TRIM13: variants seen among roughly 807,000 people sequenced by gnomAD.
The protein encoded by TRIM13 is tripartite motif containing 13, also known as E3 ubiquitin-protein ligase TRIM13.
Under a neutral mutation model 27.1 loss-of-function variants are expected in TRIM13, and 15 were observed. The observed-to-expected ratio is 0.55, with a 90% confidence interval of 0.37 to 0.85. The LOEUF is 0.85. TRIM13 is among the 40% of genes least tolerant of loss of function. The pLI is 0.00. For missense variants in TRIM13, 402 were observed against 472.2 expected (o/e 0.85, Z 1.38); for synonymous variants, 193 against 171.5 (o/e 1.13, Z -0.98).
intron 1 of TRIM13, among the ~76,000 whole-genome samples, chr13:50,006,483 G>A (rs1013295868): frequency 2.0e-5 from 3 of 152,158 alleles, no homozygotes; most frequent in Admixed American, 2.0e-4. Context: ...CTTTTATTGA[G>A]TGTTGCCCTT....
At position 50,012,520 on chromosome 13, in the gene TRIM13, G is replaced by T. The variant is rs753570865; in HGVS notation, c.580G>T (p.Asp194Tyr). Reference protein sequence around the residue: ...EFFEKLQHTLDQKKNEILSDF... With the variant: ...EFFEKLQHTLYQKKNEILSDF... ...TTTTGAGAAGTTACAACACACACTG[G>T]ATCAAAAGAAGAATGAAATTCTGTC... Residue 194 changes from aspartate to tyrosine, a missense_variant, in exon 2 of 2, where the codon GAT (aspartate) becomes TAT (tyrosine). Physicochemically the swap from Asp to Tyr is radical, Grantham distance 160. This residue lies in a region of TRIM13 where 202 missense variants were observed against 277.5 expected (regional missense o/e 0.73). Transcript: ENST00000378182. 44 of 1,613,788 alleles carry T rather than the reference G, an allele frequency of 2.7e-5. No homozygotes were observed. The East Asian group carries it at 8.9e-4, about 33-fold the overall frequency.
chr13:50,008,090 A>G (rs1875042475), intron 1 of TRIM13, among the ~76,000 whole-genome samples: 1 of 151,864 alleles, frequency 6.6e-6, no homozygotes, highest in Non-Finnish European at 1.5e-5. Context: ...TATTTTTAGT[A>G]GAGACGGGGT....
intron 1 of TRIM13, among the ~76,000 whole-genome samples, chr13:50,000,307 G>A (rs549811254): frequency 1.3e-5 from 2 of 152,222 alleles, no homozygotes; most frequent in African/African-American, 2.4e-5. Context: ...TTTCTAGAGA[G>A]AAACCTAGTC....
At chr13:50,008,191 C>T (rs549676238) in intron 1 of TRIM13, among the ~76,000 whole-genome samples, 2 of 152,282 alleles carry the variant, frequency 1.3e-5, no homozygotes, top group East Asian at 3.9e-4. Context: ...AGGCATGAGC[C>T]ACCCGTGCCC....
Position 49,997,572 on chromosome 13 carries a change from T to G in TRIM13, c.-198T>G, listed in dbSNP as rs1030440548. The G allele has an allele frequency of 6.6e-6, 1 of 152,088 alleles. No homozygotes were observed. The highest frequency in any genetic ancestry group is 2.4e-5 in the African/African-American group (1 of 41,400). The allele number at this position is 152,088 out of a possible 1,614,324, so 9.4% of individuals were successfully genotyped here. ...TTCACCAGGTCTAAACAGCCGGGCTTTATTTGTGGGGGCGATTGAAAAAAT... is the reference window on the plus strand; with the variant it reads ...TTCACCAGGTCTAAACAGCCGGGCTGTATTTGTGGGGGCGATTGAAAAAAT... On this transcript the variant is annotated 5_prime_UTR_variant, in exon 1 of 2. Transcript: ENST00000378182.
In TRIM13 at chr13:50,015,672, T is replaced by G; in HGVS notation, c.*2508T>G. 6.2e-7 allele frequency: 1 copy of G among 1,614,160 alleles called. No individual in the cohort carries two copies. The highest frequency in any genetic ancestry group is 8.5e-7 in the Non-Finnish European group (1 of 1,179,992). Reference sequence around the variant, plus strand: ...GACAGAGATGGTGATTTGTTTAGTTTCATCTTAGATTTTTTGAGAACTCAC... The same window carrying G: ...GACAGAGATGGTGATTTGTTTAGTTGCATCTTAGATTTTTTGAGAACTCAC... On this transcript the variant is annotated 3_prime_UTR_variant, in exon 2 of 2. Coordinates refer to ENST00000378182, the MANE Select transcript of TRIM13 (RefSeq NM_213590.3).
chr13:49,997,077 G>T lies in TRIM13; in HGVS notation c.-693G>T, dbSNP rs1378091894. 1.3e-5 allele frequency: 2 copies of T among 151,928 alleles called. No individual in the cohort carries two copies. The highest frequency in any genetic ancestry group is 2.9e-5 in the Non-Finnish European group (2 of 68,042). 9.4% of individuals were successfully genotyped at this position (151,928 alleles called of 1,614,324 possible). A position where few individuals can be genotyped will look rare whatever the true frequency, so the allele number is the denominator to read the frequency against. Reference sequence around the variant, plus strand: ...TGGGGCTGTGCTTGGCGCGTACCGTGCGGTCCCTGTAGTTGGAGGACGGGC... The same window carrying T: ...TGGGGCTGTGCTTGGCGCGTACCGTTCGGTCCCTGTAGTTGGAGGACGGGC... On this transcript the variant is annotated 5_prime_UTR_variant, in exon 1 of 2. Coordinates refer to ENST00000378182, the MANE Select transcript of TRIM13 (RefSeq NM_213590.3).
At chr13:50,003,626 A>G (rs747381018) in intron 1 of TRIM13, among the ~76,000 whole-genome samples, 2 of 152,178 alleles carry the variant, frequency 1.3e-5, no homozygotes, top group Non-Finnish European at 2.9e-5. Flanking sequence ...TGGCTTTTCC[A>G]TTTTTATTAT....
In TRIM13 at chr13:50,015,094, AATATATATATATATATATATAT is replaced by A. The variant is rs869065030; in HGVS notation, c.*1966_*1987del. The A allele has an allele frequency of 5.9e-4, 10 of 16,852 alleles. 1 individual carries two copies. The highest frequency in any genetic ancestry group is 1.6e-3 in the African/African-American group (9 of 5,532). The allele number at this position is 16,852 out of a possible 1,614,324, so 1.0% of individuals were successfully genotyped here. On this transcript the variant is annotated 3_prime_UTR_variant, in exon 2 of 2. Transcript: ENST00000378182. ...CAGTAATAAAAAAAAAAAAAAAAAAAATATATATATATATATATATATATATATATATATATATATATATATA... is the reference window on the plus strand; with the variant it reads ...CAGTAATAAAAAAAAAAAAAAAAAAAATATATATATATATATATATATATA...
chr13:49,999,314 A>G (rs2803840), intron 1 of TRIM13, among the ~76,000 whole-genome samples: 145,364 of 152,140 alleles, frequency 0.96, 69,779 homozygotes, highest in East Asian at 1. Flanking sequence ...GTAAATCACC[A>G]CCTCCTCAAG....
intron 1 of TRIM13, among the ~76,000 whole-genome samples, chr13:49,999,258 G>T (rs1157511046): frequency 6.6e-6 from 1 of 152,072 alleles, no homozygotes; most frequent in Admixed American, 6.5e-5. Context: ...CTTTAGACGG[G>T]CTATGTAAAT....
chr13:50,002,344 G>A (rs1050832516), intron 1 of TRIM13, among the ~76,000 whole-genome samples: 2 of 151,764 alleles, frequency 1.3e-5, no homozygotes, highest in African/African-American at 4.8e-5. Flanking sequence ...AGACGAGATC[G>A]CACCATTGCA....
Position 50,015,839 on chromosome 13 carries a change from A to G in TRIM13, c.*2675A>G. The G allele has an allele frequency of 6.2e-7, 1 of 1,614,104 alleles. No individual in the cohort carries two copies. Among genetic ancestry groups the G allele is most frequent in the Non-Finnish European group, 8.5e-7 (1 of 1,179,968 alleles). ...TGCTCTTGTGGAGGTACATTTCCTAAGCCGGAACACTCAAGCTTTTTTCAG... is the reference window on the plus strand; with the variant it reads ...TGCTCTTGTGGAGGTACATTTCCTAGGCCGGAACACTCAAGCTTTTTTCAG... On this transcript the variant is annotated 3_prime_UTR_variant, in exon 2 of 2. Coordinates refer to ENST00000378182, the MANE Select transcript of TRIM13 (RefSeq NM_213590.3).
chr13:50,011,914 A>AT (rs759746856), intron 1 of TRIM13, 21 bp from the exon 2 acceptor site: 84 of 1,553,776 alleles, frequency 5.4e-5, no homozygotes, highest in Non-Finnish European at 4.7e-5. Context: ...GGAGTAAAAT[A>AT]ATTTTTTTTT....
At chr13:50,005,767 T>C (rs1488160549) in intron 1 of TRIM13, among the ~76,000 whole-genome samples, 1 of 150,586 alleles carries the variant, frequency 6.6e-6, no homozygotes, top group African/African-American at 2.4e-5. Flanking sequence ...GTGATGGAGT[T>C]TCACTCTTGT....
intron 1 of TRIM13, among the ~76,000 whole-genome samples, chr13:50,003,029 G>C (rs1874240371): frequency 1.3e-5 from 2 of 152,198 alleles, no homozygotes; most frequent in South Asian, 4.1e-4. Flanking sequence ...TACTCTGGAG[G>C]CTGAGATGGG....
intron 1 of TRIM13, among the ~76,000 whole-genome samples, chr13:50,002,525 C>G (rs1353007153): frequency 1.3e-5 from 2 of 152,122 alleles, no homozygotes; most frequent in Non-Finnish European, 2.9e-5. Context: ...TTTTTCCACC[C>G]ATTTTATTGT....
rs1463290742 is a variant in TRIM13, at chr13:49,997,408, T to A, written c.-362T>A. 1 of 152,052 alleles carries A rather than the reference T, an allele frequency of 6.6e-6. No homozygotes were observed. The highest frequency in any genetic ancestry group is 2.4e-5 in the African/African-American group (1 of 41,392). The allele number at this position is 152,052 out of a possible 1,614,324, so 9.4% of individuals were successfully genotyped here. On this transcript the variant is annotated 5_prime_UTR_variant, in exon 1 of 2. Transcript: ENST00000378182. ...AGCCTTCCTGGCCCCGCTACCAGCG[T>A]CTCCACATCCCCTAGAAAAGAAAAG...
At position 50,013,753 on chromosome 13, in the gene TRIM13, T is replaced by C. The variant is rs1356975458; in HGVS notation, c.*589T>C. 6.0e-6 allele frequency: 1 copy of C among 166,748 alleles called. No homozygotes were observed. Among genetic ancestry groups the C allele is most frequent in the Non-Finnish European group, 1.5e-5 (1 of 68,196 alleles). 10.3% of individuals were successfully genotyped at this position (166,748 alleles called of 1,614,324 possible). On this transcript the variant is annotated 3_prime_UTR_variant, in exon 2 of 2. Transcript: ENST00000378182. ...CTTAAGACCATCCTGTTAGCCAAGA[T>C]GGTCTTGATCTCCTGACCTCGTGAT...
Sources: allele counts gnomAD v4.1 joint callset (sites outside exome capture counted in the v4.1 genomes callset), GRCh38; gene constraint gnomAD v4.1.1; regional missense constraint gnomAD v4.1.1; transcripts MANE v1.5; gene names NCBI Gene and HGNC (gene_info 2026-07-23, HGNC 2026-07-21).